The following DAAM1 variants were observed in gnomAD, a reference collection of about 807,000 sequenced individuals.
The protein encoded by DAAM1 is disheveled-associated activator of morphogenesis 1.
Under a neutral mutation model 130.0 loss-of-function variants are expected in DAAM1, and 52 were observed. The observed-to-expected ratio is 0.40, with a 90% CI of 0.32 to 0.50. The LOEUF is 0.50. Ranked by LOEUF, DAAM1 falls within the 20% of genes least tolerant of loss-of-function variation. The pLI is 0.61. For missense variants in DAAM1, 1,134 were observed against 1,303.8 expected (o/e 0.87, Z 2.01); for synonymous variants, 452 against 444.5 (o/e 1.02, Z -0.21).
chr14:59,347,998 C>T (rs1372332551), intron 17 of DAAM1, among the ~76,000 whole-genome samples: 1 of 151,324 alleles, frequency 6.6e-6, no homozygotes, highest in Non-Finnish European at 1.5e-5. Flanking sequence ...AAAACTGATT[C>T]ATTACTAAAC....
Position 59,302,093 on chromosome 14 carries a change from A to G in DAAM1, c.273+10787A>G, listed in dbSNP as rs188731091. 2.3e-3 allele frequency among the ~76,000 whole-genome samples: 349 copies of G among 152,342 alleles called. 1 individual carries two copies. Among genetic ancestry groups the G allele is most frequent in the African/African-American group, 7.9e-3 (328 of 41,580 alleles). On this transcript the variant is annotated intron_variant, in intron 3 of 24. Coordinates refer to ENST00000360909, the MANE Select transcript of DAAM1 (RefSeq NM_001270520.2). Reference sequence around the variant, plus strand: ...CAGATTTTTGGATTAGGAAAGATGAACAGGTAGATATACTGCAAATATTCC... The same window carrying G: ...CAGATTTTTGGATTAGGAAAGATGAGCAGGTAGATATACTGCAAATATTCC...
At chr14:59,288,949 G>A (rs915533283) in intron 2 of DAAM1, among the ~76,000 whole-genome samples, 4 of 151,756 alleles carry the variant, frequency 2.6e-5, no homozygotes, top group African/African-American at 9.7e-5. Context: ...TGAAGCCTTG[G>A]TCTGTCACCC....
At chr14:59,239,141 G>C (rs1264262033) in intron 1 of DAAM1, among the ~76,000 whole-genome samples, 1 of 152,134 alleles carries the variant, frequency 6.6e-6, no homozygotes, top group East Asian at 1.9e-4. Context: ...AAATGATACT[G>C]TGCACACAAA....
intron 1 of DAAM1, among the ~76,000 whole-genome samples, chr14:59,253,276 A>G (rs184963376): frequency 1.2e-3 from 182 of 152,338 alleles, no homozygotes; most frequent in East Asian, 8.3e-3. Context: ...TTGTGTTGCA[A>G]TTCTGCGGCT....
chr14:59,262,892 C>T (rs1333859503), intron 1 of DAAM1, among the ~76,000 whole-genome samples: 1 of 152,190 alleles, frequency 6.6e-6, no homozygotes, highest in Non-Finnish European at 1.5e-5. Context: ...GATGCACAGC[C>T]GCTTCCCCTC....
At chr14:59,284,278 G>A (rs1338593198) in intron 2 of DAAM1, among the ~76,000 whole-genome samples, 3 of 152,148 alleles carry the variant, frequency 2.0e-5, no homozygotes, top group African/African-American at 7.2e-5. Context: ...GGAAAAAAAT[G>A]AGGTTTTTCA....
chr14:59,252,290 G>C (rs1413046725), intron 1 of DAAM1, among the ~76,000 whole-genome samples: 2 of 152,106 alleles, frequency 1.3e-5, no homozygotes, highest in African/African-American at 4.8e-5. Context: ...AAAGCAAAAG[G>C]ATAAGTAGAT....
chr14:59,296,174 T>C (rs1566689690), intron 3 of DAAM1, among the ~76,000 whole-genome samples: 1 of 152,194 alleles, frequency 6.6e-6, no homozygotes, highest in Non-Finnish European at 1.5e-5. Flanking sequence ...CTAAAGGCTA[T>C]ATAAGGGAAG....
intron 1 of DAAM1, among the ~76,000 whole-genome samples, chr14:59,199,567 T>C (rs1370911913): frequency 6.6e-6 from 1 of 152,264 alleles, no homozygotes; most frequent in Admixed American, 6.5e-5. Context: ...TAGTGCCTAA[T>C]GCACAGCCAC....
At chr14:59,229,038 G>A (rs927072543) in intron 1 of DAAM1, among the ~76,000 whole-genome samples, 1 of 152,184 alleles carries the variant, frequency 6.6e-6, no homozygotes, top group Non-Finnish European at 1.5e-5. Flanking sequence ...TATGAATATT[G>A]TAGTTCTGAT....
intron 1 of DAAM1, among the ~76,000 whole-genome samples, chr14:59,213,663 G>T (rs941400482): frequency 6.6e-6 from 1 of 152,218 alleles, no homozygotes; most frequent in African/African-American, 2.4e-5. Context: ...ATAAAGGGTT[G>T]CAGGGTATAC....
intron 2 of DAAM1, among the ~76,000 whole-genome samples, chr14:59,266,789 G>A (rs983158876): frequency 6.6e-6 from 1 of 152,188 alleles, no homozygotes; most frequent in Non-Finnish European, 1.5e-5. Context: ...CTGGTACAGC[G>A]GAGGGAGGCC....
intron 2 of DAAM1, among the ~76,000 whole-genome samples, chr14:59,269,166 A>G (rs1477877776): frequency 1.3e-5 from 2 of 152,244 alleles, no homozygotes; most frequent in African/African-American, 4.8e-5. Context: ...AGCAGAAAAG[A>G]CAGGCAACTA....
intron 2 of DAAM1, among the ~76,000 whole-genome samples, chr14:59,279,906 C>G (rs181686275): frequency 3.0e-4 from 45 of 152,110 alleles, no homozygotes; most frequent in Non-Finnish European, 2.1e-4. Context: ...ACAGGTAACT[C>G]AATAAAAATG....
chr14:59,335,344 T>C (rs975535656), intron 15 of DAAM1, among the ~76,000 whole-genome samples: 2 of 152,204 alleles, frequency 1.3e-5, no homozygotes, highest in Non-Finnish European at 2.9e-5. Context: ...TTCCAAAAGT[T>C]CATTTGAAAG....
chr14:59,254,237 C>G (rs1480080439), intron 1 of DAAM1, among the ~76,000 whole-genome samples: 1 of 150,782 alleles, frequency 6.6e-6, no homozygotes, highest in Non-Finnish European at 1.5e-5. Context: ...TTGCCGGTAT[C>G]TTGTAACATA....
At chr14:59,201,421 G>A (rs1243098858) in intron 1 of DAAM1, among the ~76,000 whole-genome samples, 1 of 152,062 alleles carries the variant, frequency 6.6e-6, no homozygotes. Flanking sequence ...TCAGGAGCTC[G>A]AGACCAGCCT....
intron 16 of DAAM1, among the ~76,000 whole-genome samples, chr14:59,343,068 G>A (rs1885915510): frequency 6.6e-6 from 1 of 152,160 alleles, no homozygotes; most frequent in South Asian, 2.1e-4. Context: ...AAGATCATGA[G>A]GGTAGCAGCC....
At chr14:59,224,943 C>T (rs2349130) in intron 1 of DAAM1, among the ~76,000 whole-genome samples, 28,645 of 150,410 alleles carry the variant, frequency 0.19, 3,277 homozygotes, top group Non-Finnish European at 0.25. Flanking sequence ...TACCAGACAT[C>T]GAGTATGCTG....
Sources: allele counts gnomAD v4.1 joint callset (sites outside exome capture counted in the v4.1 genomes callset), GRCh38; gene constraint gnomAD v4.1.1; transcripts MANE v1.5; gene names NCBI Gene and HGNC (gene_info 2026-07-23, HGNC 2026-07-21).